TRAP1: variants seen among roughly 807,000 people sequenced by gnomAD.
TRAP1 encodes TNF receptor associated protein 1.
Under a neutral mutation model 89.1 loss-of-function variants are expected in TRAP1, and 102 were observed. That is an observed-to-expected ratio of 1.15 (90% CI 0.98 to 1.35). TRAP1 has a LOEUF of 1.35. TRAP1 is among the 40% of genes most tolerant of loss of function. The probability of loss-of-function intolerance (pLI) is 0.00; values close to 1 mark genes in which losing one functional copy is unlikely to be tolerated. For missense variants in TRAP1, 1,256 were observed against 945.3 expected (o/e 1.33, Z -4.31); for synonymous variants, 508 against 388.0 (o/e 1.31, Z -3.64).
chr16:3,684,839 G>A (rs550384390), intron 4 of TRAP1, among the ~76,000 whole-genome samples: 153 of 152,214 alleles, frequency 1.0e-3, no homozygotes, highest in African/African-American at 3.6e-3. Context: ...GCTCCCATCG[G>A]CTATTGAGAA....
intron 12 of TRAP1, 83 bp from the exon 13 acceptor site, chr16:3,664,542 T>C (rs1352303911): frequency 7.0e-7 from 1 of 1,425,316 alleles, no homozygotes; most frequent in African/African-American, 1.4e-5. Flanking sequence ...AACCCTCCGA[T>C]GCCCATGGCC....
At position 3,716,051 on chromosome 16, in the gene TRAP1, C is replaced by G. The variant is rs565067071; in HGVS notation, c.88+1370G>C. 9.2e-5 allele frequency among the ~76,000 whole-genome samples: 14 copies of G among 152,134 alleles called. No homozygotes were observed. In the Middle Eastern group the frequency reaches 0.01, roughly 111 times the overall value. On this transcript the variant is annotated intron_variant, in intron 1 of 17. Transcript: ENST00000246957. ...CTAATTTTTGTATTTTTAGTAGAGA[C>G]AGGGTTTCACCATGTTGGCCAGGCT...
In TRAP1 at chr16:3,701,592, A is replaced by G. The variant is rs536108931; in HGVS notation, c.89-10607T>C. Among the ~76,000 whole-genome samples, 6 of 152,104 alleles carry G rather than the reference A, an allele frequency of 3.9e-5. No individual in the cohort carries two copies. In the South Asian group the frequency reaches 1.2e-3, roughly 32 times the overall value. On this transcript the variant is annotated intron_variant, in intron 1 of 17. Transcript: ENST00000246957. ...AATAGCCAGACAGTCCAGAAGAAAA[A>G]CCTGGGGCAAAAGATATGAACGGCA...
chr16:3,669,965 C>T (rs991084101), intron 11 of TRAP1, among the ~76,000 whole-genome samples: 1 of 151,626 alleles, frequency 6.6e-6, no homozygotes, highest in Non-Finnish European at 1.5e-5. Flanking sequence ...AACTATGGTA[C>T]ATCCCTGTGA....
At chr16:3,712,760 G>C (rs1437831889) in intron 1 of TRAP1, among the ~76,000 whole-genome samples, 2 of 152,094 alleles carry the variant, frequency 1.3e-5, no homozygotes, top group Non-Finnish European at 2.9e-5. Context: ...GATTACAGGC[G>C]CCTGCCACCA....
rs543998778 is a variant in TRAP1 at position 3,664,424 on chromosome 16, C to G, written c.1419G>C (p.Ser473=). The part of the protein sequence containing the change: ...DIAKLLRYES[S]ALPSGQLTSL... ...TGGTTAGCTGCCCGGAGGGCAGCGCCGAGGACTCGTAGCGCAGCAGCTTTG... is the reference window on the plus strand; with the variant it reads ...TGGTTAGCTGCCCGGAGGGCAGCGCGGAGGACTCGTAGCGCAGCAGCTTTG... Residue 473 remains serine (S), a synonymous_variant, in exon 13 of 18, where the codon TCG becomes TCC. Transcript: ENST00000246957. 3 of 1,612,332 alleles carry G rather than the reference C, an allele frequency of 1.9e-6. No homozygotes were observed. The highest frequency in any genetic ancestry group is 3.4e-5 in the Admixed American group (2 of 59,686).
At chr16:3,705,867 T>A (rs1174724052) in intron 1 of TRAP1, among the ~76,000 whole-genome samples, 4 of 151,478 alleles carry the variant, frequency 2.6e-5, no homozygotes, top group African/African-American at 2.4e-5. Context: ...ATATATATTT[T>A]TTTTTAGTAG....
At chr16:3,691,083 G>A in intron 1 of TRAP1, 98 bp from the exon 2 acceptor site, 1 of 1,170,564 alleles carries the variant, frequency 8.5e-7, no homozygotes, top group East Asian at 2.9e-5. Context: ...AAGCTAGCGT[G>A]GACATCTCTA....
At chr16:3,684,540 T>A (rs1326467129) in intron 4 of TRAP1, among the ~76,000 whole-genome samples, 2 of 152,014 alleles carry the variant, frequency 1.3e-5, no homozygotes, top group East Asian at 3.9e-4. Context: ...GCCTGTAATC[T>A]AACACTTGGG....
At chr16:3,669,793 A>G (rs2050886305) in intron 11 of TRAP1, among the ~76,000 whole-genome samples, 1 of 146,102 alleles carries the variant, frequency 6.8e-6, no homozygotes, top group South Asian at 2.2e-4. Context: ...AGATCGTGCC[A>G]CTGCACTCCA....
chr16:3,696,882 A>G (rs1454323761), intron 1 of TRAP1, among the ~76,000 whole-genome samples: 2 of 152,048 alleles, frequency 1.3e-5, no homozygotes, highest in African/African-American at 4.8e-5. Flanking sequence ...TCATGCCACC[A>G]TACCCGGCTA....
intron 16 of TRAP1, 178 bp from the exon 17 acceptor site, chr16:3,659,043 G>GAGAATCAGGAGTGTCAGTATT: frequency 1.6e-6 from 1 of 624,394 alleles, no homozygotes; most frequent in East Asian, 3.0e-5. Flanking sequence ...GAAAACCCAA[G>GAGAATCAGGAGTGTCAGTATT]AGAATCAGGA....
At chr16:3,689,338 G>C (rs1444630494) in intron 2 of TRAP1, among the ~76,000 whole-genome samples, 1 of 148,610 alleles carries the variant, frequency 6.7e-6, no homozygotes, top group Non-Finnish European at 1.5e-5. Context: ...TCTGCCTCCC[G>C]GGTTCACGCC....
At chr16:3,685,169 G>A (rs370537153) in intron 4 of TRAP1, among the ~76,000 whole-genome samples, 2 of 152,136 alleles carry the variant, frequency 1.3e-5, no homozygotes, top group African/African-American at 2.4e-5. Context: ...CCACAGCCAG[G>A]CCAGCTCAGC....
At chr16:3,659,912 G>A (rs534706473) in intron 16 of TRAP1, 3 of 152,114 alleles carry the variant, frequency 2.0e-5, no homozygotes, top group Non-Finnish European at 4.4e-5. Context: ...ACCACCCCCA[G>A]CTAGTTTTTG....
At position 3,686,061 on chromosome 16, in the gene TRAP1, G is replaced by C; in HGVS notation, c.406C>G (p.Gln136Glu). ...KLRHKLVSDG[Q>E]ALPEMEIHLQ... ...TGAATCTCCATTTCTGGCAGTGCTTGGCCGTCAGACACCAGTTTGTGACGC... is the reference window on the plus strand; with the variant it reads ...TGAATCTCCATTTCTGGCAGTGCTTCGCCGTCAGACACCAGTTTGTGACGC... The change falls in exon 4 of 18, where the codon CAA (glutamine) becomes GAA (glutamate). Residue 136 changes from glutamine (Q) to glutamate (E), a missense_variant. Physicochemically the swap from Gln to Glu is conservative, Grantham distance 29. Transcript: ENST00000246957. 2.5e-6 allele frequency: 4 copies of C among 1,614,100 alleles called. No individual in the cohort carries two copies. The highest frequency in any genetic ancestry group is 3.4e-6 in the Non-Finnish European group (4 of 1,180,002).
chr16:3,716,923 A>G (rs2051604964), intron 1 of TRAP1, among the ~76,000 whole-genome samples: 1 of 152,192 alleles, frequency 6.6e-6, no homozygotes, highest in African/African-American at 2.4e-5. Context: ...CCGGGCACTG[A>G]GCGGGCGCTC....
At chr16:3,690,607 T>C (rs945309206) in intron 2 of TRAP1, among the ~76,000 whole-genome samples, 1 of 152,116 alleles carries the variant, frequency 6.6e-6, no homozygotes, top group African/African-American at 2.4e-5. Flanking sequence ...GACGGCAAAC[T>C]CACGGGTGGC....
Position 3,690,920 on chromosome 16 carries a change from T to C in TRAP1, c.154A>G (p.Ser52Gly). The change falls in exon 2 of 18, where the codon AGC becomes GGC. Residue 52 changes from serine (S) to glycine (G), a missense_variant. Ser to Gly is a moderately conservative substitution (Grantham distance 56, BLOSUM62 0). Transcript: ENST00000246957. ...QLGPRRNPAW[S>G]LQAGRLFSTQ... ...CTGAACAGTCGTCCTGCCTGCAAGC[T>C]CCAGGCTGGGTTTCGCCTGGGGCCC... 1 of 1,592,394 alleles carries C rather than the reference T, an allele frequency of 6.3e-7. No homozygotes were observed. Among genetic ancestry groups the C allele is most frequent in the Non-Finnish European group, 8.5e-7 (1 of 1,169,724 alleles).
Sources: gnomAD v4.1 joint callset for allele counts (sites outside exome capture counted in the v4.1 genomes callset) on GRCh38, gnomAD v4.1.1 for gene constraint, MANE v1.5 for transcripts, NCBI Gene and HGNC (gene_info 2026-07-23, HGNC 2026-07-21) for gene names.